Variants in PDE4D observed in about 807,000 individuals in gnomAD.
PDE4D encodes phosphodiesterase 4D.
PDE4D carries 24 observed loss-of-function variants against 87.4 expected under a neutral mutation model. The ratio of observed to expected loss-of-function variants is 0.27; its 90% CI spans 0.20 to 0.39. The LOEUF is 0.39. Ranked by LOEUF, PDE4D falls within the 10% of genes least tolerant of loss-of-function variation. PDE4D has a pLI of 1.00. For synonymous variants in PDE4D, 384 were observed against 383.2 expected, an observed-to-expected ratio of 1.00 and a Z score of -0.02; for missense variants, 714 against 1,041.0, an observed-to-expected ratio of 0.69 and a Z score of 4.32.
At chr5:59,853,548 T>G (rs1254136488) in intron 1 of PDE4D, among the ~76,000 whole-genome samples, 2 of 152,052 alleles carry the variant, frequency 1.3e-5, no homozygotes, top group Admixed American at 6.6e-5. Flanking sequence ...AATTTTATAT[T>G]TTCGTCTAAT....
intron 1 of PDE4D, among the ~76,000 whole-genome samples, chr5:59,663,950 G>A (rs534069852): frequency 4.7e-4 from 72 of 152,008 alleles, no homozygotes; most frequent in African/African-American, 1.5e-3. Context: ...AACCTCCTTC[G>A]CATTCTGAAG....
At chr5:59,615,949 A>C (rs1169318175) in intron 1 of PDE4D, among the ~76,000 whole-genome samples, 1 of 152,094 alleles carries the variant, frequency 6.6e-6, no homozygotes, top group South Asian at 2.1e-4. Flanking sequence ...CGTATTTTCC[A>C]TAAGCATCCA....
chr5:60,471,971 T>C (rs144428796), intron 1 of PDE4D, among the ~76,000 whole-genome samples: 3 of 152,038 alleles, frequency 2.0e-5, no homozygotes, highest in Non-Finnish European at 4.4e-5. Flanking sequence ...GATAGTCTGG[T>C]AGGTGGAACA....
intron 1 of PDE4D, among the ~76,000 whole-genome samples, chr5:59,392,670 G>A (rs1056912838): frequency 2.0e-5 from 3 of 152,050 alleles, no homozygotes; most frequent in African/African-American, 7.3e-5. Context: ...TAACAACTGT[G>A]AGGAGCTCAG....
intron 1 of PDE4D, among the ~76,000 whole-genome samples, chr5:59,823,828 C>A (rs562081968): frequency 6.7e-6 from 1 of 148,874 alleles, no homozygotes; most frequent in Non-Finnish European, 1.5e-5. Context: ...TTCTTTGGGA[C>A]CTTTGCTATT....
chr5:59,224,693 A>G (rs1753349912), intron 1 of PDE4D, among the ~76,000 whole-genome samples: 1 of 152,202 alleles, frequency 6.6e-6, no homozygotes, highest in African/African-American at 2.4e-5. Flanking sequence ...TGTTTCCCCT[A>G]GAATTCATAT....
intron 1 of PDE4D, among the ~76,000 whole-genome samples, chr5:60,201,029 A>G (rs1741838786): frequency 1.3e-5 from 2 of 150,216 alleles, no homozygotes; most frequent in South Asian, 4.2e-4. Context: ...CATTCTCATT[A>G]AAGCCGGGAG....
intron 1 of PDE4D, among the ~76,000 whole-genome samples, chr5:59,737,729 G>A (rs547460712): frequency 6.6e-6 from 1 of 151,866 alleles, no homozygotes; most frequent in African/African-American, 2.4e-5. Flanking sequence ...TTTATATATT[G>A]CTATTGACCC....
intron 1 of PDE4D, among the ~76,000 whole-genome samples, chr5:59,607,609 G>C (rs1237585321): frequency 6.6e-6 from 1 of 152,010 alleles, no homozygotes; most frequent in Non-Finnish European, 1.5e-5. Context: ...GGAGGGGAGG[G>C]CAATGTTTTT....
intron 1 of PDE4D, among the ~76,000 whole-genome samples, chr5:60,446,572 T>C (rs1454453114): frequency 6.6e-6 from 1 of 152,126 alleles, no homozygotes; most frequent in Non-Finnish European, 1.5e-5. Context: ...AATTCTAGGT[T>C]GGTTGAGATA....
At chr5:59,354,410 C>T (rs958045297) in intron 1 of PDE4D, among the ~76,000 whole-genome samples, 3 of 152,080 alleles carry the variant, frequency 2.0e-5, no homozygotes, top group Non-Finnish European at 4.4e-5. Context: ...AGTTTAACAC[C>T]TTTAATTCCA....
intron 1 of PDE4D, among the ~76,000 whole-genome samples, chr5:60,359,781 TG>T (rs1759904936): frequency 6.6e-6 from 1 of 152,188 alleles, no homozygotes. Context: ...ACTAATATTA[TG>T]GAATCATTTG....
chr5:60,146,031 C>T (rs2910840), intron 2 of PDE4D, among the ~76,000 whole-genome samples: 98,672 of 151,914 alleles, frequency 0.65, 32,715 homozygotes, highest in Middle Eastern at 0.7. Context: ...CTGTGCAACA[C>T]GGTGAAACCC....
At chr5:59,569,164 A>G (rs1306590044) in intron 1 of PDE4D, among the ~76,000 whole-genome samples, 1 of 152,210 alleles carries the variant, frequency 6.6e-6, no homozygotes, top group Non-Finnish European at 1.5e-5. Flanking sequence ...AACCCAAAAT[A>G]CAAACTCTTC....
At chr5:59,188,559 AAG>A (rs1190805008) in intron 3 of PDE4D, among the ~76,000 whole-genome samples, 2 of 152,202 alleles carry the variant, frequency 1.3e-5, no homozygotes, top group Non-Finnish European at 2.9e-5. Flanking sequence ...CCTAAAAAAA[AAG>A]AGGAAAATAA....
intron 2 of PDE4D, among the ~76,000 whole-genome samples, chr5:60,050,786 G>A (rs1044185818): frequency 1.3e-5 from 2 of 152,108 alleles, no homozygotes; most frequent in African/African-American, 2.4e-5. Context: ...GTATTCAGGA[G>A]ACCAATCTCA....
chr5:59,649,564 T>C (rs1743023299), intron 1 of PDE4D, among the ~76,000 whole-genome samples: 1 of 151,824 alleles, frequency 6.6e-6, no homozygotes, highest in Non-Finnish European at 1.5e-5. Flanking sequence ...GATTTTGAGA[T>C]GGTAATGGCC....
chr5:60,053,284 C>A (rs2152881273), intron 2 of PDE4D, among the ~76,000 whole-genome samples: 2 of 152,300 alleles, frequency 1.3e-5, no homozygotes, highest in East Asian at 3.9e-4. Flanking sequence ...TACCTGACTT[C>A]AAACTATACT....
intron 1 of PDE4D, among the ~76,000 whole-genome samples, chr5:59,742,366 C>G (rs560657292): frequency 6.6e-6 from 1 of 152,178 alleles, no homozygotes; most frequent in African/African-American, 2.4e-5. Flanking sequence ...GTCTGGCCAT[C>G]CTTTTTGCAT....
Sources: gnomAD v4.1 joint callset for allele counts (sites outside exome capture counted in the v4.1 genomes callset) on GRCh38, gnomAD v4.1.1 for gene constraint, MANE v1.5 for transcripts, NCBI Gene and HGNC (gene_info 2026-07-23, HGNC 2026-07-21) for gene names.